The following NAALADL2 variants were observed in gnomAD, a reference collection of about 807,000 sequenced individuals.
NAALADL2 encodes the protein N-acetylated alpha-linked acidic dipeptidase like 2, also known as inactive N-acetylated-alpha-linked acidic dipeptidase-like protein 2.
In NAALADL2, 76 loss-of-function variants were observed where a neutral mutation model predicts 87.2. That is an observed-to-expected ratio of 0.87 (90% CI 0.72 to 1.05). NAALADL2 has a LOEUF of 1.05. NAALADL2 is among the 50% of genes least tolerant of loss of function. The pLI is 0.00. For synonymous variants in NAALADL2, 354 were observed against 331.0 expected (o/e 1.07, Z -0.75); for missense variants, 1,089 against 945.8 (o/e 1.15, Z -1.99).
intron 9 of NAALADL2, among the ~76,000 whole-genome samples, chr3:175,574,958 C>T (rs1456703705): frequency 6.6e-6 from 1 of 152,128 alleles, no homozygotes; most frequent in Non-Finnish European, 1.5e-5. Context: ...TTCCACGTTT[C>T]ATAGTTGATG....
At chr3:175,035,103 C>A (rs542441692) in intron 1 of NAALADL2, among the ~76,000 whole-genome samples, 2 of 152,202 alleles carry the variant, frequency 1.3e-5, no homozygotes, top group South Asian at 4.2e-4. Context: ...GTCCCACGAC[C>A]AACTCCTCTT....
At chr3:175,060,089 AC>A (rs1713103998) in intron 1 of NAALADL2, 1 of 273,820 alleles carries the variant, frequency 3.7e-6, no homozygotes, top group South Asian at 4.7e-5. Context: ...AATTGTGGGC[AC>A]CCCTGCTAAG....
chr3:175,107,393 C>A (rs1247391497), intron 2 of NAALADL2, among the ~76,000 whole-genome samples: 1 of 151,900 alleles, frequency 6.6e-6, no homozygotes, highest in East Asian at 1.9e-4. Flanking sequence ...TTCCCTGGGT[C>A]TTTAGCCTGC....
intron 1 of NAALADL2, among the ~76,000 whole-genome samples, chr3:174,504,100 A>G (rs980734326): frequency 6.6e-6 from 1 of 152,160 alleles, no homozygotes; most frequent in Non-Finnish European, 1.5e-5. Context: ...GTAGGCACTC[A>G]AAGGGGAGTG....
chr3:175,550,367 A>C, intron 9 of NAALADL2, among the ~76,000 whole-genome samples: 1 of 152,288 alleles, frequency 6.6e-6, no homozygotes, highest in African/African-American at 2.4e-5. Flanking sequence ...AATAAAAGGA[A>C]GAGGAGAATA....
chr3:174,718,077 G>A (rs980873203), intron 2 of NAALADL2, among the ~76,000 whole-genome samples: 4 of 151,968 alleles, frequency 2.6e-5, no homozygotes, highest in African/African-American at 4.8e-5. Flanking sequence ...TGCAGTGAGC[G>A]CTCCAGCCTG....
chr3:175,118,021 A>G (rs551688950), intron 2 of NAALADL2, among the ~76,000 whole-genome samples: 1 of 152,054 alleles, frequency 6.6e-6, no homozygotes, highest in African/African-American at 2.4e-5. Context: ...AAGGACAGAA[A>G]ATCAAACACC....
intron 2 of NAALADL2, among the ~76,000 whole-genome samples, chr3:175,111,672 C>T (rs1724218830): frequency 6.6e-6 from 1 of 151,568 alleles, no homozygotes; most frequent in Admixed American, 6.6e-5. Context: ...CTACACATGC[C>T]CTTAGCACAG....
At chr3:175,289,249 A>G (rs1245166900) in intron 4 of NAALADL2, among the ~76,000 whole-genome samples, 1 of 152,162 alleles carries the variant, frequency 6.6e-6, no homozygotes, top group Non-Finnish European at 1.5e-5. Context: ...CAGACATTCT[A>G]TTAAGGTTTA....
chr3:175,452,053 T>G (rs1273703402), intron 6 of NAALADL2, among the ~76,000 whole-genome samples: 1 of 152,156 alleles, frequency 6.6e-6, no homozygotes, highest in African/African-American at 2.4e-5. Flanking sequence ...TATTGGCAAA[T>G]GGTGCCTTTT....
At chr3:174,483,847 G>T (rs1274753534) in intron 1 of NAALADL2, among the ~76,000 whole-genome samples, 1 of 151,902 alleles carries the variant, frequency 6.6e-6, no homozygotes, top group Non-Finnish European at 1.5e-5. Context: ...TTAGGCAGAG[G>T]CTATAAAAGC....
chr3:175,064,689 A>G (rs1278309300), intron 1 of NAALADL2, among the ~76,000 whole-genome samples: 1 of 152,146 alleles, frequency 6.6e-6, no homozygotes, highest in African/African-American at 2.4e-5. Context: ...AAATCCAACT[A>G]GCAGCCAGAG....
rs145425130 is a variant in NAALADL2, at chr3:174,495,531, C to T, written c.-184+54499C>T. ...AGACTACTTTTGGTTTCTCACATAC[C>T]ACAAGGGCATGAGCTACTTGTTTTG... is the stretch of plus-strand genomic sequence containing the variant. On this transcript the variant is annotated intron_variant, in intron 1 of 3. Transcript: ENST00000434257. Among the ~76,000 whole-genome samples the T allele has an allele frequency of 2.3e-3, 357 of 152,200 alleles. 3 individuals are homozygous for T. The highest frequency in any genetic ancestry group is 8.3e-3 in the African/African-American group (344 of 41,532).
chr3:174,710,442 C>T (rs1239599133), intron 2 of NAALADL2, among the ~76,000 whole-genome samples: 4 of 151,966 alleles, frequency 2.6e-5, no homozygotes, highest in South Asian at 2.1e-4. Flanking sequence ...TTAGTAGAGA[C>T]GGGATTTCTC....
At chr3:175,061,682 A>T (rs947515940) in intron 1 of NAALADL2, among the ~76,000 whole-genome samples, 3 of 151,252 alleles carry the variant, frequency 2.0e-5, no homozygotes, top group Non-Finnish European at 4.4e-5. Context: ...TTTTCCAAAT[A>T]TAAGGAATAA....
intron 3 of NAALADL2, among the ~76,000 whole-genome samples, chr3:174,750,812 T>A (rs1734750287): frequency 6.6e-6 from 1 of 152,184 alleles, no homozygotes; most frequent in Non-Finnish European, 1.5e-5. Flanking sequence ...CTCAATATAC[T>A]TCCTGCCAAT....
intron 1 of NAALADL2, among the ~76,000 whole-genome samples, chr3:175,088,851 T>G (rs1719550701): frequency 6.6e-6 from 1 of 152,182 alleles, no homozygotes; most frequent in African/African-American, 2.4e-5. Context: ...GTGTTAACTC[T>G]TGACACACTT....
intron 3 of NAALADL2, among the ~76,000 whole-genome samples, chr3:174,743,497 T>G (rs1733954212): frequency 6.6e-6 from 1 of 151,830 alleles, no homozygotes; most frequent in Admixed American, 6.6e-5. Context: ...GGTAACAGTT[T>G]TGCAGTTTTG....
intron 3 of NAALADL2, among the ~76,000 whole-genome samples, chr3:174,812,634 A>G (rs1308813509): frequency 6.6e-6 from 1 of 152,136 alleles, no homozygotes; most frequent in African/African-American, 2.4e-5. Flanking sequence ...CATTGTTTTC[A>G]TAGGAGATAA....
Sources: allele counts gnomAD v4.1 joint callset (sites outside exome capture counted in the v4.1 genomes callset), GRCh38; gene constraint gnomAD v4.1.1; transcripts MANE v1.5; gene names NCBI Gene and HGNC (gene_info 2026-07-23, HGNC 2026-07-21).